Variants in SCN11A observed in about 807,000 individuals in gnomAD.
SCN11A encodes sodium channel protein type 11 subunit alpha.
Under a neutral mutation model 162.2 loss-of-function variants are expected in SCN11A, and 122 were observed. The ratio of observed to expected loss-of-function variants is 0.75; its 90% CI spans 0.65 to 0.87. The LOEUF (loss-of-function observed/expected upper bound fraction) is 0.87. SCN11A is among the 40% of genes least tolerant of loss of function. The pLI is 0.00. For synonymous variants in SCN11A, 758 were observed against 751.5 expected (o/e 1.01, Z -0.14); for missense variants, 2,015 against 2,181.6 (o/e 0.92, Z 1.52).
At chr3:38,932,828 G>A (rs1559541078) in intron 7 of SCN11A, among the ~76,000 whole-genome samples, 1 of 152,210 alleles carries the variant, frequency 6.6e-6, no homozygotes, top group Non-Finnish European at 1.5e-5. Flanking sequence ...AGTAACCTCT[G>A]CAGACTTAGA....
At chr3:39,005,291 GAGTATAAAAC>G (rs1395127309) in intron 2 of SCN11A, among the ~76,000 whole-genome samples, 4 of 152,186 alleles carry the variant, frequency 2.6e-5, no homozygotes, top group African/African-American at 9.7e-5. Context: ...AACAGGTACT[GAGTATAAAAC>G]AGTATAAAAC....
intron 2 of SCN11A, among the ~76,000 whole-genome samples, chr3:39,015,702 G>A (rs958139675): frequency 2.2e-4 from 34 of 152,144 alleles, no homozygotes; most frequent in African/African-American, 7.7e-4. Flanking sequence ...AAGGGTTACT[G>A]AGCACTGGAT....
intron 14 of SCN11A, among the ~76,000 whole-genome samples, chr3:38,907,310 A>G (rs868379975): frequency 3.5e-4 from 42 of 119,234 alleles, no homozygotes; most frequent in East Asian, 1.8e-3. Context: ...ACCAACATAT[A>G]TGTGTGTGTG....
At chr3:39,031,417 T>C (rs1363779174) in intron 2 of SCN11A, among the ~76,000 whole-genome samples, 1 of 151,776 alleles carries the variant, frequency 6.6e-6, no homozygotes, top group Non-Finnish European at 1.5e-5. Flanking sequence ...TCCCAGTTAC[T>C]TGGGAGGCTG....
intron 21 of SCN11A, 131 bp from the exon 22 acceptor site, chr3:38,883,518 G>A: frequency 2.5e-6 from 2 of 786,036 alleles, no homozygotes; most frequent in Non-Finnish European, 4.0e-6. Flanking sequence ...AAGAAGTAGA[G>A]CATCTTTTTC....
intron 2 of SCN11A, among the ~76,000 whole-genome samples, chr3:39,011,943 ACT>A (rs1437258743): frequency 6.6e-6 from 1 of 152,130 alleles, no homozygotes; most frequent in Admixed American, 6.6e-5. Flanking sequence ...GGACAAGGAA[ACT>A]CTCTTATCTT....
rs2066635664 is a variant in SCN11A at position 38,952,620 on chromosome 3, CAG to C, written c.-8+1007_-8+1008del. On this transcript the variant is annotated intron_variant, in intron 4 of 29. Coordinates refer to ENST00000302328, the MANE Select transcript of SCN11A (RefSeq NM_001349253.2). Reference sequence around the variant, plus strand: ...AACTAAAATAGAACAAATGCTACTACAGAGAGAAGTAGTGGGGCTATGTCTAT... The same window carrying C: ...AACTAAAATAGAACAAATGCTACTACAGAGAAGTAGTGGGGCTATGTCTAT... Among the ~76,000 whole-genome samples, 7 of 152,232 alleles carry C rather than the reference CAG, an allele frequency of 4.6e-5. No homozygotes were observed. The South Asian group carries it at 1.4e-3, about 32-fold the overall frequency.
intron 27 of SCN11A, among the ~76,000 whole-genome samples, chr3:38,864,538 T>C (rs919158436): frequency 6.6e-6 from 1 of 152,164 alleles, no homozygotes; most frequent in East Asian, 1.9e-4. Flanking sequence ...GATATAGATG[T>C]TAAGTGAAAA....
chr3:38,855,367 GC>G (rs1371787335), intron 28 of SCN11A, among the ~76,000 whole-genome samples: 1 of 152,136 alleles, frequency 6.6e-6, no homozygotes, highest in Non-Finnish European at 1.5e-5. Flanking sequence ...GTTATGGCAA[GC>G]CCCACTCAAG....
chr3:38,935,058 C>A (rs1254002804), intron 7 of SCN11A, among the ~76,000 whole-genome samples: 1 of 152,026 alleles, frequency 6.6e-6, no homozygotes, highest in African/African-American at 2.4e-5. Context: ...CAAACTAGAA[C>A]TCAGGATTAA....
intron 7 of SCN11A, among the ~76,000 whole-genome samples, chr3:38,940,280 A>G (rs1331051785): frequency 6.6e-6 from 1 of 152,190 alleles, no homozygotes; most frequent in African/African-American, 2.4e-5. Context: ...ATGAGTTCCA[A>G]CCTCATAAAG....
chr3:38,950,400 G>GA, intron 4 of SCN11A, 31 bp from the exon 5 acceptor site: 1 of 1,609,558 alleles, frequency 6.2e-7, no homozygotes, highest in Non-Finnish European at 8.5e-7. Flanking sequence ...CAGATCCTCA[G>GA]AAAGGCCTCA....
chr3:38,960,145 CTCTGCT>C (rs1295994870), intron 3 of SCN11A, among the ~76,000 whole-genome samples, 132 bp downstream of exon 3: 1 of 151,900 alleles, frequency 6.6e-6, no homozygotes, highest in Non-Finnish European at 1.5e-5. Context: ...CGTACCCGCT[CTCTGCT>C]TCTAATTTGA....
intron 2 of SCN11A, among the ~76,000 whole-genome samples, chr3:38,990,886 A>G (rs1443946561): frequency 6.6e-6 from 1 of 152,096 alleles, no homozygotes; most frequent in African/African-American, 2.4e-5. Context: ...CTTTCAAGGC[A>G]GTAAAGGAGA....
intron 1 of SCN11A, among the ~76,000 whole-genome samples, chr3:39,037,614 C>T (rs1390369696): frequency 6.6e-6 from 1 of 152,010 alleles, no homozygotes; most frequent in African/African-American, 2.4e-5. Context: ...TATACATCTA[C>T]TATATACCTA....
chr3:38,857,775 C>T (rs1377976392), intron 28 of SCN11A, among the ~76,000 whole-genome samples: 2 of 152,024 alleles, frequency 1.3e-5, no homozygotes, highest in East Asian at 1.9e-4. Flanking sequence ...AAAGGAAAAC[C>T]TATCAGATTA....
intron 3 of SCN11A, among the ~76,000 whole-genome samples, chr3:38,960,011 C>G (rs1480369209): frequency 1.3e-5 from 2 of 152,130 alleles, no homozygotes; most frequent in African/African-American, 4.8e-5. Flanking sequence ...GGCACAAAGT[C>G]CAGGGTTGCA....
chr3:38,938,674 C>T (rs2066393190), intron 7 of SCN11A, among the ~76,000 whole-genome samples: 1 of 147,084 alleles, frequency 6.8e-6, no homozygotes, highest in South Asian at 2.2e-4. Context: ...AAGCGATTCT[C>T]CTGCCTCAGC....
Position 38,872,181 on chromosome 3 carries a change from T to C in SCN11A, c.3495+12A>G. 1.3e-6 allele frequency: 2 copies of C among 1,483,086 alleles called. No homozygotes were observed. Among genetic ancestry groups the C allele is most frequent in the Non-Finnish European group, 1.9e-6 (2 of 1,060,868 alleles). The allele number at this position is 1,483,086 out of a possible 1,614,324, so 91.9% of individuals were successfully genotyped here. ...TTAACTGAACTTCTACCCATTCTTC[T>C]GCAGAATGTACCTTCATTCCTTCAA... On this transcript the variant is annotated intron_variant, in intron 24 of 29. Coordinates refer to ENST00000302328, the MANE Select transcript of SCN11A (RefSeq NM_001349253.2).
Sources: gnomAD v4.1 joint callset for allele counts (sites outside exome capture counted in the v4.1 genomes callset) on GRCh38, gnomAD v4.1.1 for gene constraint, MANE v1.5 for transcripts, NCBI Gene and HGNC (gene_info 2026-07-23, HGNC 2026-07-21) for gene names.